TENM1: variants seen among roughly 807,000 people sequenced by gnomAD.
TENM1 encodes teneurin transmembrane protein 1, also known as teneurin-1.
In TENM1, 35 loss-of-function variants were observed where a neutral mutation model predicts 174.8. The observed-to-expected ratio is 0.20, with a 90% CI of 0.15 to 0.27. The LOEUF is 0.27. Among genes scored for constraint, TENM1 ranks in the 10% least tolerant of loss-of-function variants. The pLI is 1.00. For missense variants in TENM1, 1,633 were observed against 2,130.1 expected, an observed-to-expected ratio of 0.77 and a Z score of 4.59; for synonymous variants, 781 against 798.7, an observed-to-expected ratio of 0.98 and a Z score of 0.37.
At chrX:125,037,104 A>G in the TENM1 span, among the ~76,000 whole-genome samples, 2 of 111,707 alleles carry the variant, frequency 1.8e-5, no homozygotes, top group African/African-American at 3.2e-5. Context: ...AATGAGATTC[A>G]TTTATTCGTT....
At chrX:124,379,695 T>TATAGG (rs1337106169) in exon 32 of TENM1, 1 of 112,343 alleles carries the variant, frequency 8.9e-6, no homozygotes, top group East Asian at 2.8e-4. Context: ...AATGTGAAAC[T>TATAGG]ATGACCAAAA....
At chrX:124,752,432 T>C (rs1306528274) in intron 3 of TENM1, among the ~76,000 whole-genome samples, 3 of 111,476 alleles carry the variant, frequency 2.7e-5, no homozygotes, top group Non-Finnish European at 5.6e-5. Context: ...TTTTCTCCCA[T>C]TTTGTAGGTT....
chrX:124,772,835 T>C (rs1471601908), intron 3 of TENM1, among the ~76,000 whole-genome samples: 1 of 111,810 alleles, frequency 8.9e-6, no homozygotes, highest in East Asian at 2.8e-4. Flanking sequence ...TGCCACTAGA[T>C]GGGACCTTAT....
intron 5 of TENM1, among the ~76,000 whole-genome samples, chrX:124,694,895 T>C (rs2052612919): frequency 8.9e-6 from 1 of 112,201 alleles, no homozygotes; most frequent in South Asian, 3.7e-4. Context: ...TGGAAATTCA[T>C]AGTGAGTATC....
At chrX:124,672,060 A>G (rs749054121) in intron 5 of TENM1, among the ~76,000 whole-genome samples, 2 of 112,135 alleles carry the variant, frequency 1.8e-5, no homozygotes, top group East Asian at 5.6e-4. Flanking sequence ...TTTTGAGGCT[A>G]AAGCTATCCC....
intron 11 of TENM1, among the ~76,000 whole-genome samples, chrX:124,588,910 C>G (rs1341306998): frequency 1.8e-5 from 2 of 110,173 alleles, no homozygotes; most frequent in Non-Finnish European, 3.8e-5. Context: ...TGCCTAATTG[C>G]TGTGGCTAGC....
At chrX:125,033,413 T>C in the TENM1 span, among the ~76,000 whole-genome samples, 225 of 111,418 alleles carry the variant, frequency 2.0e-3, 1 homozygote, top group Middle Eastern at 9.2e-3. Context: ...ACTCAATGAG[T>C]ACTATGTAGA....
chrX:125,025,841 C>G, the TENM1 span, among the ~76,000 whole-genome samples: 1 of 110,927 alleles, frequency 9.0e-6, no homozygotes, highest in African/African-American at 3.3e-5. Context: ...AATTAAATTG[C>G]AATGGGAATT....
Position 124,875,963 on chromosome X carries a change from T to TTA in TENM1, c.535+18331_535+18332dup, listed in dbSNP as rs771315006. Among the ~76,000 whole-genome samples, 386 of 105,477 alleles carry TTA rather than the reference T, an allele frequency of 3.7e-3. 1 individual carries two copies. Among genetic ancestry groups the TTA allele is most frequent in the African/African-American group, 0.011 (304 of 28,729 alleles). 91.6% of individuals were successfully genotyped at this position (105,477 alleles called of 115,157 possible). On this transcript the variant is annotated intron_variant, in intron 3 of 31. Transcript: ENST00000422452. ...TTTTACATGATCTTATTCTAAGAAA[T>TTA]TATATATATATATATACGTTTGTAT...
At chrX:124,851,758 A>G (rs2056723356) in intron 3 of TENM1, among the ~76,000 whole-genome samples, 1 of 111,404 alleles carries the variant, frequency 9.0e-6, no homozygotes, top group Non-Finnish European at 1.9e-5. Flanking sequence ...TATGATCATC[A>G]TATCATACCT....
chrX:125,120,802 C>G, the TENM1 span, among the ~76,000 whole-genome samples: 1 of 110,881 alleles, frequency 9.0e-6, no homozygotes, highest in African/African-American at 3.3e-5. Flanking sequence ...TCGGTGCTTG[C>G]TATTATTATT....
intron 11 of TENM1, among the ~76,000 whole-genome samples, chrX:124,619,193 C>A (rs1462924101): frequency 8.9e-6 from 1 of 111,988 alleles, no homozygotes; most frequent in Non-Finnish European, 1.9e-5. Context: ...CAATAATATA[C>A]CTTGAGCTGC....
intron 1 of TENM1, among the ~76,000 whole-genome samples, chrX:124,943,446 T>G (rs1410046645): frequency 1.8e-5 from 2 of 111,492 alleles, no homozygotes; most frequent in Non-Finnish European, 3.8e-5. Flanking sequence ...GCAGAGAAAA[T>G]CCTGTGTCTT....
chrX:124,518,469 G>A (rs2047768175), intron 18 of TENM1, among the ~76,000 whole-genome samples: 1 of 110,373 alleles, frequency 9.1e-6, no homozygotes, highest in Non-Finnish European at 1.9e-5. Context: ...GTGCTTGCCT[G>A]TTATACTCAC....
the TENM1 span, among the ~76,000 whole-genome samples, chrX:125,028,267 T>C: frequency 8.9e-6 from 1 of 112,210 alleles, no homozygotes; most frequent in Non-Finnish European, 1.9e-5. Context: ...ATTAACAGAA[T>C]GAAATAGAGC....
chrX:125,043,518 G>A, the TENM1 span, among the ~76,000 whole-genome samples: 2 of 51,725 alleles, frequency 3.9e-5, no homozygotes, highest in African/African-American at 7.6e-5. Context: ...GAAACAACAG[G>A]TGCTGGAGAG....
intron 5 of TENM1, among the ~76,000 whole-genome samples, chrX:124,693,008 C>CAA (rs576815327): frequency 6.6e-4 from 22 of 33,480 alleles, no homozygotes; most frequent in Middle Eastern, 0.018. Context: ...AACTCCATCT[C>CAA]AAAAAAAAAA....
At chrX:124,779,457 T>C (rs1319522397) in intron 3 of TENM1, among the ~76,000 whole-genome samples, 2 of 112,086 alleles carry the variant, frequency 1.8e-5, no homozygotes, top group Admixed American at 1.9e-4. Context: ...TTTCTTTTAA[T>C]GTCATGTTTT....
intron 22 of TENM1, among the ~76,000 whole-genome samples, chrX:124,481,125 T>A (rs1257120536): frequency 8.9e-6 from 1 of 112,215 alleles, no homozygotes; most frequent in African/African-American, 3.2e-5. Flanking sequence ...AGAAAAAAAT[T>A]GGAATTTGTT....
Sources: allele counts gnomAD v4.1 joint callset (sites outside exome capture counted in the v4.1 genomes callset), GRCh38; gene constraint gnomAD v4.1.1; transcripts MANE v1.5; gene names NCBI Gene and HGNC (gene_info 2026-07-23, HGNC 2026-07-21).